The following CNTNAP3 variants were observed in gnomAD, a reference collection of about 807,000 sequenced individuals.
CNTNAP3 encodes contactin associated protein family member 3.
CNTNAP3 carries 36 observed loss-of-function variants against 92.1 expected under a neutral mutation model. That is an observed-to-expected ratio of 0.39 (90% CI 0.30 to 0.52). The LOEUF (loss-of-function observed/expected upper bound fraction) is 0.52. Among genes scored for constraint, CNTNAP3 ranks in the 20% least tolerant of loss-of-function variants. The pLI is 0.76. For synonymous variants in CNTNAP3, 232 were observed against 422.3 expected (o/e 0.55, Z 5.53); for missense variants, 534 against 1,069.6 (o/e 0.50, Z 6.98).
chr9:39,095,123 T>A (rs1042042968), intron 18 of CNTNAP3, among the ~76,000 whole-genome samples: 3 of 151,712 alleles, frequency 2.0e-5, no homozygotes, highest in African/African-American at 7.2e-5. Context: ...TTCCTTAATC[T>A]CACTTTCAGA....
At chr9:39,109,806 G>GA (rs1254733481) in intron 14 of CNTNAP3, among the ~76,000 whole-genome samples, 4 of 152,042 alleles carry the variant, frequency 2.6e-5, no homozygotes, top group Non-Finnish European at 5.9e-5. Flanking sequence ...CAGAGAAGGG[G>GA]AAAAATCAAG....
intron 13 of CNTNAP3, among the ~76,000 whole-genome samples, chr9:39,124,308 G>T (rs903015549): frequency 7.2e-5 from 11 of 151,998 alleles, no homozygotes; most frequent in Non-Finnish European, 1.6e-4. Flanking sequence ...GAGAAGTGAG[G>T]ATATGGAATC....
chr9:39,090,872 T>G (rs1826180747), intron 18 of CNTNAP3, among the ~76,000 whole-genome samples: 1 of 152,302 alleles, frequency 6.6e-6, no homozygotes. Flanking sequence ...TTTCAATGCT[T>G]TATAGTTTTC....
In CNTNAP3 at chr9:39,066,388, A is replaced by G. The variant is rs1279055835; in HGVS notation, c.*7502T>C. Among the ~76,000 whole-genome samples the G allele has an allele frequency of 6.6e-6, 1 of 152,154 alleles. No individual in the cohort carries two copies. Among genetic ancestry groups the G allele is most frequent in the Non-Finnish European group, 1.5e-5 (1 of 68,020 alleles). On this transcript the variant is annotated 3_prime_UTR_variant, in exon 24 of 24. Coordinates refer to ENST00000297668, the MANE Select transcript of CNTNAP3 (RefSeq NM_033655.5). ...ATTATCTTTAAAAGATATTTAAGTA[A>G]TAAGGGCAGGTATTGTATATTTACT...
rs1224253410 is a variant in CNTNAP3 at position 39,272,636 on chromosome 9, G to T, written c.86-5630C>A. ...GCATATAATTTAAAAAGAAAATCATGTGGAGATGTCATCACTAATAATTGT... is the reference window on the plus strand; with the variant it reads ...GCATATAATTTAAAAAGAAAATCATTTGGAGATGTCATCACTAATAATTGT... On this transcript the variant is annotated intron_variant, in intron 1 of 23. Coordinates refer to ENST00000297668, the MANE Select transcript of CNTNAP3 (RefSeq NM_033655.5). Among the ~76,000 whole-genome samples the T allele has an allele frequency of 9.0e-5, 2 of 22,128 alleles. 1 individual carries two copies. Among genetic ancestry groups the T allele is most frequent in the South Asian group, 3.1e-3 (2 of 652 alleles). The allele number at this position is 22,128 out of a possible 152,430, so 14.5% of individuals were successfully genotyped here. A position where few individuals can be genotyped will look rare whatever the true frequency, so the allele number is the denominator to read the frequency against.
intron 13 of CNTNAP3, among the ~76,000 whole-genome samples, chr9:39,126,811 G>A (rs1283198712): frequency 1.3e-5 from 2 of 151,766 alleles, no homozygotes; most frequent in African/African-American, 2.4e-5. Context: ...TTATAGTACA[G>A]ATTTCAAAAT....
At position 39,278,622 on chromosome 9, in the gene CNTNAP3, G is replaced by C. The variant is rs527652498; in HGVS notation, c.85+9358C>G. On this transcript the variant is annotated intron_variant, in intron 1 of 23. Transcript: ENST00000297668. ...CAGAGATATAGAACAGAACAGAACA[G>C]AGCCCTCAGAAATAATGCCGCATAT... Among the ~76,000 whole-genome samples, 82 of 30,586 alleles carry C rather than the reference G, an allele frequency of 2.7e-3. 32 individuals carry two copies. The highest frequency in any genetic ancestry group is 5.3e-3 in the African/African-American group (82 of 15,506). The allele number at this position is 30,586 out of a possible 152,430, so 20.1% of individuals were successfully genotyped here.
At chr9:39,148,751 T>C (rs887546800) in intron 10 of CNTNAP3, among the ~76,000 whole-genome samples, 5 of 152,140 alleles carry the variant, frequency 3.3e-5, no homozygotes, top group African/African-American at 1.2e-4. Context: ...GGTCTCGATC[T>C]CCTGACCTCA....
chr9:39,159,344 C>CAT lies in CNTNAP3; in HGVS notation c.1477+6587_1477+6588dup, dbSNP rs201088349. 185 of 135,208 alleles carry CAT rather than the reference C, an allele frequency of 1.4e-3. 6 individuals carry two copies. Among genetic ancestry groups the CAT allele is most frequent in the South Asian group, 2.4e-4 (1 of 4,244 alleles). 8.4% of individuals were successfully genotyped at this position (135,208 alleles called of 1,614,324 possible). A position where few individuals can be genotyped will look rare whatever the true frequency, so the allele number is the denominator to read the frequency against. On this transcript the variant is annotated intron_variant, in intron 9 of 23. Coordinates refer to ENST00000297668, the MANE Select transcript of CNTNAP3 (RefSeq NM_033655.5). ...TTCTGTTGAAACTATTCTCTTTGGT[C>CAT]ATATATATATATTTTAAAAATATTA...
Position 39,067,718 on chromosome 9 carries a change from A to T in CNTNAP3, c.*6172T>A, listed in dbSNP as rs1338133550. 2.6e-5 allele frequency among the ~76,000 whole-genome samples: 4 copies of T among 152,390 alleles called. No individual in the cohort carries two copies. Among genetic ancestry groups the T allele is most frequent in the African/African-American group, 9.6e-5 (4 of 41,578 alleles). ...GCCTGGTGTTGGATAGTTTTATGTT[A>T]CTGGAAATACATGTGAACTTTGCTC... On this transcript the variant is annotated 3_prime_UTR_variant, in exon 24 of 24. Coordinates refer to ENST00000297668, the MANE Select transcript of CNTNAP3 (RefSeq NM_033655.5).
intron 15 of CNTNAP3, 128 bp from the exon 16 acceptor site, chr9:39,104,042 G>C: frequency 6.9e-7 from 1 of 1,441,036 alleles, no homozygotes; most frequent in East Asian, 2.4e-5. Flanking sequence ...TTCACTGGGG[G>C]TTCTGAGCAT....
At chr9:39,118,515 A>T (rs1820916949) in intron 13 of CNTNAP3, among the ~76,000 whole-genome samples, 1 of 152,172 alleles carries the variant, frequency 6.6e-6, no homozygotes, top group Admixed American at 6.5e-5. Flanking sequence ...AGTCAGTTGC[A>T]TGTGATACAT....
chr9:39,105,241 C>T (rs2117881599), intron 15 of CNTNAP3, among the ~76,000 whole-genome samples: 1 of 152,256 alleles, frequency 6.6e-6, no homozygotes, highest in Non-Finnish European at 1.5e-5. Flanking sequence ...TCCTGGCTAA[C>T]ATGGTGAAAC....
chr9:39,100,228 C>T, intron 17 of CNTNAP3, 78 bp from the exon 18 acceptor site: 2 of 1,449,496 alleles, frequency 1.4e-6, no homozygotes, highest in Non-Finnish European at 1.8e-6. Flanking sequence ...CAAACTCAGG[C>T]CTTATGGAGA....
intron 14 of CNTNAP3, among the ~76,000 whole-genome samples, chr9:39,112,215 T>C (rs563446603): frequency 3.9e-4 from 60 of 151,988 alleles, no homozygotes; most frequent in African/African-American, 1.3e-3. Flanking sequence ...TTCCTACGGT[T>C]CTGGAAATTG....
At chr9:39,103,373 G>A (rs1826514307) in intron 16 of CNTNAP3, among the ~76,000 whole-genome samples, 2 of 152,122 alleles carry the variant, frequency 1.3e-5, no homozygotes, top group Admixed American at 6.6e-5. Context: ...CTTGAGGCCA[G>A]GAGTTGAAGA....
intron 13 of CNTNAP3, 84 bp from the exon 14 acceptor site, chr9:39,118,343 T>C (rs960798731): frequency 2.0e-5 from 31 of 1,578,068 alleles, no homozygotes; most frequent in Admixed American, 3.7e-5. Context: ...CTCCCAGGTG[T>C]AAAGTGTATG....
At chr9:39,099,197 G>A (rs558431229) in intron 18 of CNTNAP3, among the ~76,000 whole-genome samples, 13 of 150,808 alleles carry the variant, frequency 8.6e-5, no homozygotes, top group Non-Finnish European at 1.6e-4. Context: ...CTCGTGATCC[G>A]CCTGCCTTGG....
chr9:39,078,212 A>C, intron 23 of CNTNAP3, 173 bp downstream of exon 23: 1 of 1,372,514 alleles, frequency 7.3e-7, no homozygotes, highest in Non-Finnish European at 1.0e-6. Flanking sequence ...TGTCTCAAAT[A>C]GAAAAAAAAC....
Sources: allele counts gnomAD v4.1 joint callset (sites outside exome capture counted in the v4.1 genomes callset), GRCh38; gene constraint gnomAD v4.1.1; transcripts MANE v1.5; gene names NCBI Gene and HGNC (gene_info 2026-07-23, HGNC 2026-07-21).